PPP3CA: variants seen among roughly 807,000 people sequenced by gnomAD.
PPP3CA encodes CAM-PRP catalytic subunit.
In PPP3CA, 14 loss-of-function variants were observed where a neutral mutation model predicts 66.5. The ratio of observed to expected loss-of-function variants is 0.21; its 90% confidence interval spans 0.14 to 0.33. PPP3CA has a LOEUF of 0.33. Ranked by LOEUF, PPP3CA falls within the 10% of genes least tolerant of loss-of-function variation. The pLI is 1.00. For synonymous variants in PPP3CA, 232 were observed against 226.2 expected, an observed-to-expected ratio of 1.03 and a Z score of -0.23; for missense variants, 317 against 639.5, an observed-to-expected ratio of 0.50 and a Z score of 5.44.
chr4:101,160,938 T>C (rs960283489), intron 2 of PPP3CA, among the ~76,000 whole-genome samples: 46 of 152,094 alleles, frequency 3.0e-4, no homozygotes, highest in African/African-American at 1.1e-3. Context: ...CAAGGGTTTC[T>C]TTTTCTTCCT....
chr4:101,344,812 CTTA>C (rs1729927883), intron 1 of PPP3CA, among the ~76,000 whole-genome samples: 1 of 152,254 alleles, frequency 6.6e-6, no homozygotes, highest in East Asian at 1.9e-4. Flanking sequence ...GGAATGTGAC[CTTA>C]TGTGTGCACA....
At chr4:101,037,102 G>A (rs1269214632) in intron 11 of PPP3CA, among the ~76,000 whole-genome samples, 1 of 152,190 alleles carries the variant, frequency 6.6e-6, no homozygotes, top group East Asian at 1.9e-4. Flanking sequence ...TGTTCATACT[G>A]TGGGGTGGGC....
intron 1 of PPP3CA, among the ~76,000 whole-genome samples, chr4:101,335,926 C>T (rs953674307): frequency 4.6e-5 from 7 of 152,226 alleles, no homozygotes; most frequent in South Asian, 4.1e-4. Flanking sequence ...AGAAACTGGC[C>T]GGGCATGGTG....
chr4:101,230,710 T>C (rs958639529), intron 1 of PPP3CA, among the ~76,000 whole-genome samples: 2 of 151,680 alleles, frequency 1.3e-5, no homozygotes, highest in Admixed American at 1.3e-4. Context: ...GTCTTCCTTC[T>C]GCCTGCATAG....
At chr4:101,124,727 GAAAGAAAGAAAGAAAGAA>G (rs1722169117) in intron 2 of PPP3CA, among the ~76,000 whole-genome samples, 15 of 49,930 alleles carry the variant, frequency 3.0e-4, no homozygotes, top group African/African-American at 5.1e-4. Flanking sequence ...GAAAGAAAGA[GAAAGAAAGAAAGAAAGAA>G]AGAAAGAAAG....
intron 2 of PPP3CA, among the ~76,000 whole-genome samples, chr4:101,139,726 T>A (rs1722743859): frequency 6.7e-6 from 1 of 149,204 alleles, no homozygotes; most frequent in South Asian, 2.1e-4. Context: ...TTGTCGTTGT[T>A]GCTGTTTGTT....
intron 1 of PPP3CA, among the ~76,000 whole-genome samples, chr4:101,299,299 A>G (rs1448821414): frequency 6.6e-6 from 1 of 151,644 alleles, no homozygotes; most frequent in Non-Finnish European, 1.5e-5. Flanking sequence ...GGACCCCATT[A>G]GTCCTGCAGT....
chr4:101,180,793 G>T (rs1425867518), intron 2 of PPP3CA, among the ~76,000 whole-genome samples: 3 of 152,116 alleles, frequency 2.0e-5, no homozygotes, highest in East Asian at 1.9e-4. Flanking sequence ...CAGCACTTTG[G>T]GGGGCCAAGG....
At chr4:101,164,007 G>A (rs1378016011) in intron 2 of PPP3CA, among the ~76,000 whole-genome samples, 2 of 151,376 alleles carry the variant, frequency 1.3e-5, no homozygotes, top group Non-Finnish European at 1.5e-5. Flanking sequence ...TAGAGACGAG[G>A]TCTTGCTCTG....
intron 13 of PPP3CA, among the ~76,000 whole-genome samples, chr4:101,026,288 G>T (rs1035555047): frequency 1.3e-5 from 2 of 152,136 alleles, no homozygotes; most frequent in African/African-American, 4.8e-5. Flanking sequence ...ATGTCCTCTT[G>T]AAGTTATTAA....
intron 8 of PPP3CA, among the ~76,000 whole-genome samples, chr4:101,066,825 T>C (rs929370700): frequency 6.6e-6 from 1 of 152,094 alleles, no homozygotes; most frequent in Non-Finnish European, 1.5e-5. Context: ...ACTGGAGCCC[T>C]AACAGTGCGC....
chr4:101,047,706 T>G (rs912820586), intron 10 of PPP3CA, among the ~76,000 whole-genome samples: 2 of 152,082 alleles, frequency 1.3e-5, no homozygotes, highest in Non-Finnish European at 2.9e-5. Flanking sequence ...TCCTACCGCC[T>G]CAGTCTCCCC....
intron 8 of PPP3CA, 60 bp downstream of exon 8, chr4:101,080,472 C>T (rs377031977): frequency 1.5e-4 from 140 of 947,528 alleles, no homozygotes; most frequent in African/African-American, 8.5e-4. Context: ...CAAAATAAAA[C>T]GGCTTAAGAA....
intron 1 of PPP3CA, among the ~76,000 whole-genome samples, chr4:101,298,226 T>C (rs1728256074): frequency 6.6e-6 from 1 of 152,036 alleles, no homozygotes; most frequent in Non-Finnish European, 1.5e-5. Context: ...CCCTAAGATG[T>C]AGCCCAATGT....
At chr4:101,149,762 T>C (rs1436951056) in intron 2 of PPP3CA, among the ~76,000 whole-genome samples, 1 of 152,176 alleles carries the variant, frequency 6.6e-6, no homozygotes, top group Non-Finnish European at 1.5e-5. Context: ...ACAAAGGTAG[T>C]ATCAATAGCA....
Position 101,153,146 on chromosome 4 carries a change from T to C in PPP3CA, c.259+42770A>G, listed in dbSNP as rs191994054. 1.3e-3 allele frequency among the ~76,000 whole-genome samples: 205 copies of C among 152,304 alleles called. 2 individuals are homozygous for C. The highest frequency in any genetic ancestry group is 4.6e-3 in the African/African-American group (193 of 41,572). ...TGAAGTGGTAGGACGGTAAAGTGTT[T>C]GGATTCTATCCAAAGGGCAAAGAGA... is the stretch of plus-strand genomic sequence containing the variant. On this transcript the variant is annotated intron_variant, in intron 2 of 13. Transcript: ENST00000394854.
chr4:101,131,380 A>C (rs1722431388), intron 2 of PPP3CA, among the ~76,000 whole-genome samples: 1 of 151,628 alleles, frequency 6.6e-6, no homozygotes, highest in Non-Finnish European at 1.5e-5. Context: ...ACATAGGTTC[A>C]AATCAAAGGA....
chr4:101,258,775 GA>G (rs1173831732), intron 1 of PPP3CA, among the ~76,000 whole-genome samples: 1 of 152,072 alleles, frequency 6.6e-6, no homozygotes, highest in Non-Finnish European at 1.5e-5. Context: ...GCTTGACAAT[GA>G]AGTCCAGTTT....
intron 5 of PPP3CA, among the ~76,000 whole-genome samples, chr4:101,095,551 A>C (rs1730157846): frequency 6.6e-6 from 1 of 152,230 alleles, no homozygotes; most frequent in South Asian, 2.1e-4. Context: ...TAGGGATATT[A>C]GGTGATATTT....
Sources: gnomAD v4.1 joint callset for allele counts (sites outside exome capture counted in the v4.1 genomes callset) on GRCh38, gnomAD v4.1.1 for gene constraint, MANE v1.5 for transcripts, NCBI Gene and HGNC (gene_info 2026-07-23, HGNC 2026-07-21) for gene names.